Variants in CACNA2D3 observed in about 807,000 individuals in gnomAD.
CACNA2D3 encodes the protein voltage-dependent calcium channel subunit alpha-2/delta-3.
In CACNA2D3, 60 loss-of-function variants were observed where a neutral mutation model predicts 160.6. That is an observed-to-expected ratio of 0.37 (90% CI 0.30 to 0.46). CACNA2D3 has a LOEUF of 0.46. CACNA2D3 is among the 20% of genes least tolerant of loss of function. The pLI, the probability that CACNA2D3 is intolerant of heterozygous loss-of-function variation, is 1.00. For synonymous variants in CACNA2D3, 558 were observed against 492.9 expected, an observed-to-expected ratio of 1.13 and a Z score of -1.75; for missense variants, 1,205 against 1,365.0, an observed-to-expected ratio of 0.88 and a Z score of 1.85.
At chr3:54,221,264 T>C (rs879299295) in intron 2 of CACNA2D3, among the ~76,000 whole-genome samples, 1 of 152,188 alleles carries the variant, frequency 6.6e-6, no homozygotes, top group African/African-American at 2.4e-5. Flanking sequence ...CAAATGTTAG[T>C]GGTGAGAGGG....
intron 5 of CACNA2D3, among the ~76,000 whole-genome samples, chr3:54,550,453 C>A (rs1261236564): frequency 6.6e-6 from 1 of 152,190 alleles, no homozygotes; most frequent in Non-Finnish European, 1.5e-5. Context: ...AGAAAGCACC[C>A]CCTGGAGGTT....
chr3:54,886,530 G>A (rs2694115), intron 23 of CACNA2D3, among the ~76,000 whole-genome samples: 1 of 148,700 alleles, frequency 6.7e-6, no homozygotes, highest in Non-Finnish European at 1.5e-5. Flanking sequence ...TTTAAGGAAT[G>A]AGACATTATA....
intron 11 of CACNA2D3, among the ~76,000 whole-genome samples, chr3:54,734,370 T>C (rs1017043895): frequency 2.0e-5 from 3 of 152,142 alleles, no homozygotes; most frequent in Non-Finnish European, 4.4e-5. Flanking sequence ...CACACAAGGG[T>C]AGAGCATCTT....
At chr3:54,532,459 C>T (rs886350501) in intron 5 of CACNA2D3, among the ~76,000 whole-genome samples, 2 of 152,188 alleles carry the variant, frequency 1.3e-5, no homozygotes, top group Admixed American at 1.3e-4. Context: ...TCATCCCTCA[C>T]CCCGCTCCAA....
intron 34 of CACNA2D3, among the ~76,000 whole-genome samples, chr3:55,012,303 G>T (rs1272226582): frequency 6.7e-6 from 1 of 149,892 alleles, no homozygotes; most frequent in Non-Finnish European, 1.5e-5. Flanking sequence ...GGTGGTGGTG[G>T]TTTTTTTTTT....
intron 27 of CACNA2D3, among the ~76,000 whole-genome samples, chr3:54,953,557 G>A (rs73067730): frequency 0.11 from 16,280 of 152,114 alleles, 988 homozygotes; most frequent in Non-Finnish European, 0.12. Context: ...AAGGCCTCAG[G>A]AGACCTTATT....
chr3:54,736,116 TATACATATATATATGTATATATATAC>T (rs1701521378), intron 11 of CACNA2D3, among the ~76,000 whole-genome samples: 1 of 32,196 alleles, frequency 3.1e-5, no homozygotes, highest in African/African-American at 1.2e-4. Context: ...TATGTATATA[TATACATATATATATGTATATATATAC>T]ACACACACAC....
intron 4 of CACNA2D3, among the ~76,000 whole-genome samples, chr3:54,464,574 G>T (rs1052425071): frequency 7.9e-5 from 12 of 152,182 alleles, no homozygotes; most frequent in African/African-American, 2.7e-4. Flanking sequence ...AGGACCCTCC[G>T]AGCCAAGTGC....
intron 4 of CACNA2D3, among the ~76,000 whole-genome samples, chr3:54,408,638 G>T (rs764801056): frequency 3.3e-5 from 5 of 152,214 alleles, no homozygotes; most frequent in Non-Finnish European, 7.4e-5. Flanking sequence ...ATTGCCCAGT[G>T]AGAGCTCTCA....
intron 5 of CACNA2D3, among the ~76,000 whole-genome samples, chr3:54,547,683 T>A: frequency 6.8e-6 from 1 of 146,340 alleles, no homozygotes. Context: ...TTTTTTTTTT[T>A]TTTTTTTTTT....
intron 3 of CACNA2D3, among the ~76,000 whole-genome samples, chr3:54,331,528 A>G (rs1256692947): frequency 6.6e-6 from 1 of 152,210 alleles, no homozygotes; most frequent in Non-Finnish European, 1.5e-5. Flanking sequence ...CTCTGTTGTC[A>G]TCATGATCAT....
intron 11 of CACNA2D3, among the ~76,000 whole-genome samples, chr3:54,741,188 C>A (rs1229248801): frequency 6.6e-6 from 1 of 152,134 alleles, no homozygotes; most frequent in Non-Finnish European, 1.5e-5. Context: ...AGGAGCCTTT[C>A]TCTAAGGCCT....
chr3:54,145,499 C>T (rs1209670931), intron 2 of CACNA2D3, among the ~76,000 whole-genome samples: 1 of 152,186 alleles, frequency 6.6e-6, no homozygotes, highest in Admixed American at 6.5e-5. Context: ...CATTTAATAT[C>T]ACTAAGATGT....
chr3:54,659,310 G>A (rs1699928391), intron 11 of CACNA2D3, among the ~76,000 whole-genome samples: 1 of 152,190 alleles, frequency 6.6e-6, no homozygotes, highest in Non-Finnish European at 1.5e-5. Flanking sequence ...CCTTTGGCAG[G>A]AGGGTGTGAA....
intron 3 of CACNA2D3, among the ~76,000 whole-genome samples, chr3:54,360,097 C>CT (rs1233120195): frequency 1.3e-5 from 2 of 152,166 alleles, no homozygotes; most frequent in African/African-American, 2.4e-5. Flanking sequence ...GGCCCCCCAC[C>CT]TTTTTTTGTA....
intron 9 of CACNA2D3, among the ~76,000 whole-genome samples, chr3:54,607,936 T>C (rs1698669572): frequency 6.6e-6 from 1 of 152,192 alleles, no homozygotes. Context: ...TATGATTCCA[T>C]TTATATGACA....
At chr3:54,561,154 A>T (rs1702318731) in intron 5 of CACNA2D3, among the ~76,000 whole-genome samples, 2 of 152,206 alleles carry the variant, frequency 1.3e-5, no homozygotes, top group African/African-American at 2.4e-5. Flanking sequence ...TCAATCTATG[A>T]ATTGCTTTGG....
intron 10 of CACNA2D3, chr3:54,633,550 T>G (rs1200439557): frequency 2.6e-5 from 4 of 152,026 alleles, no homozygotes; most frequent in Non-Finnish European, 4.4e-5. Flanking sequence ...AGTACATGCT[T>G]CTTCCCACCT....
At chr3:54,762,774 G>A (rs1224271370) in intron 12 of CACNA2D3, among the ~76,000 whole-genome samples, 4 of 152,206 alleles carry the variant, frequency 2.6e-5, no homozygotes, top group African/African-American at 9.6e-5. Flanking sequence ...ACAGCATGGT[G>A]AGAATGTTTC....
Sources: allele counts gnomAD v4.1 joint callset (sites outside exome capture counted in the v4.1 genomes callset), GRCh38; gene constraint gnomAD v4.1.1; transcripts MANE v1.5; gene names NCBI Gene and HGNC (gene_info 2026-07-23, HGNC 2026-07-21).